The following GPR176 variants were observed in gnomAD, a reference collection of about 807,000 sequenced individuals.
GPR176 encodes G protein-coupled receptor 176.
A neutral mutation model predicts 35.4 loss-of-function variants in GPR176; 26 were observed. The ratio of observed to expected loss-of-function variants is 0.74; its 90% CI spans 0.54 to 1.02. The LOEUF (loss-of-function observed/expected upper bound fraction) is 1.02, where lower values mean the gene tolerates loss of function less well. Among genes scored for constraint, GPR176 ranks in the 50% least tolerant of loss-of-function variants. The probability of loss-of-function intolerance (pLI) is 0.00; values close to 1 mark genes in which losing one functional copy is unlikely to be tolerated. For missense variants in GPR176, 597 were observed against 665.3 expected, an observed-to-expected ratio of 0.90 and a Z score of 1.13; for synonymous variants, 278 against 271.3, an observed-to-expected ratio of 1.02 and a Z score of -0.24.
rs116814362 is a variant in GPR176 at position 39,826,417 on chromosome 15, G to A, written c.173-19159C>T. 3.3e-3 allele frequency among the ~76,000 whole-genome samples: 508 copies of A among 152,238 alleles called. 5 individuals carry two copies. Among genetic ancestry groups the A allele is most frequent in the African/African-American group, 0.012 (491 of 41,540 alleles). On this transcript the variant is annotated intron_variant, in intron 1 of 2. Transcript: ENST00000561100. Reference sequence around the variant, plus strand: ...CTGGAGTAAAGACAGGACCCCAGGGGTGCTTAAAAGTCACAGAAAACCTCA... The same window carrying A: ...CTGGAGTAAAGACAGGACCCCAGGGATGCTTAAAAGTCACAGAAAACCTCA...
At chr15:39,857,098 G>A (rs576085909) in intron 1 of GPR176, among the ~76,000 whole-genome samples, 99 of 152,326 alleles carry the variant, frequency 6.5e-4, no homozygotes, top group African/African-American at 2.2e-3. Context: ...TCACATAGAT[G>A]TGAAATAAGC....
chr15:39,806,623 T>C (rs1899205448), intron 2 of GPR176, among the ~76,000 whole-genome samples: 1 of 152,216 alleles, frequency 6.6e-6, no homozygotes, highest in Non-Finnish European at 1.5e-5. Context: ...CCCTTGTTCT[T>C]TCAGAGATGT....
At chr15:39,837,716 C>T (rs62002486) in intron 1 of GPR176, among the ~76,000 whole-genome samples, 27,343 of 150,454 alleles carry the variant, frequency 0.18, 2,872 homozygotes, top group Admixed American at 0.34. Context: ...TCAACTACAA[C>T]CTTATGAGGT....
Position 39,875,869 on chromosome 15 carries a change from ACT to A in GPR176, c.172+43984_172+43985del, listed in dbSNP as rs2032223333. Among the ~76,000 whole-genome samples, 3 of 151,924 alleles carry A rather than the reference ACT, an allele frequency of 2.0e-5. No homozygotes were observed. The South Asian group carries it at 6.2e-4, about 32-fold the overall frequency. On this transcript the variant is annotated intron_variant, in intron 1 of 2. Coordinates refer to ENST00000561100, the MANE Select transcript of GPR176 (RefSeq NM_007223.3). ...TCATCATCTGACTTATTTGGTGTGT[ACT>A]TTTTTGCAATATTTTGTAATCTATT...
Position 39,800,875 on chromosome 15 carries a change from A to G in GPR176, c.*257T>C, listed in dbSNP as rs1898802198. On this transcript the variant is annotated 3_prime_UTR_variant, in exon 3 of 3. Coordinates refer to ENST00000561100, the MANE Select transcript of GPR176 (RefSeq NM_007223.3). ...CCTCAAGACCCATTCAAAACTGCCC[A>G]GCTCTTGTCCCCACAGAGAATAATG... 1 of 409,414 alleles carries G rather than the reference A, an allele frequency of 2.4e-6. No individual in the cohort carries two copies. Among genetic ancestry groups the G allele is most frequent in the African/African-American group, 2.0e-5 (1 of 49,358 alleles). 25.4% of individuals were successfully genotyped at this position (409,414 alleles called of 1,614,324 possible).
chr15:39,857,142 A>T (rs1352955030), intron 1 of GPR176, among the ~76,000 whole-genome samples: 1 of 152,246 alleles, frequency 6.6e-6, no homozygotes, highest in Non-Finnish European at 1.5e-5. Flanking sequence ...ATGGGTGTGT[A>T]TGAGATAATC....
At chr15:39,857,784 T>A (rs1029939023) in intron 1 of GPR176, among the ~76,000 whole-genome samples, 1 of 151,374 alleles carries the variant, frequency 6.6e-6, no homozygotes, top group African/African-American at 2.4e-5. Context: ...CTGCCTAACA[T>A]GGTGAAACCC....
At chr15:39,880,084 A>C (rs1173141942) in intron 1 of GPR176, among the ~76,000 whole-genome samples, 2 of 152,204 alleles carry the variant, frequency 1.3e-5, no homozygotes, top group African/African-American at 4.8e-5. Flanking sequence ...CTCAAGACTC[A>C]GAACTTCTCT....
intron 1 of GPR176, among the ~76,000 whole-genome samples, chr15:39,898,255 A>G (rs1595517072): frequency 6.6e-6 from 1 of 151,752 alleles, no homozygotes; most frequent in African/African-American, 2.4e-5. Flanking sequence ...TTTTTTTCAA[A>G]CAAGATTTAC....
intron 1 of GPR176, among the ~76,000 whole-genome samples, chr15:39,829,782 G>C (rs918794418): frequency 6.6e-6 from 1 of 152,032 alleles, no homozygotes; most frequent in Non-Finnish European, 1.5e-5. Context: ...GTCCCAAACA[G>C]GACAGCCTCT....
intron 1 of GPR176, among the ~76,000 whole-genome samples, chr15:39,847,698 A>AC (rs35291881): frequency 0.32 from 42,717 of 134,334 alleles, 7,212 homozygotes; most frequent in Non-Finnish European, 0.39. Flanking sequence ...AACCGAGATC[A>AC]CACCACTGCA....
chr15:39,834,816 ATAAT>A (rs1190966592), intron 1 of GPR176, among the ~76,000 whole-genome samples: 2 of 152,138 alleles, frequency 1.3e-5, no homozygotes, highest in Non-Finnish European at 2.9e-5. Context: ...AAAAGTGGGG[ATAAT>A]TAATGGGGTC....
At chr15:39,886,188 G>A (rs1464783756) in intron 1 of GPR176, among the ~76,000 whole-genome samples, 3 of 151,946 alleles carry the variant, frequency 2.0e-5, no homozygotes, top group Admixed American at 6.6e-5. Flanking sequence ...AGCCCAGATC[G>A]TGCCATTGCA....
At chr15:39,844,597 A>C (rs890607828) in intron 1 of GPR176, among the ~76,000 whole-genome samples, 1 of 152,014 alleles carries the variant, frequency 6.6e-6, no homozygotes, top group Non-Finnish European at 1.5e-5. Flanking sequence ...TACTGAAAAA[A>C]AAAAATAGAT....
At chr15:39,887,770 T>C (rs1360531059) in intron 1 of GPR176, among the ~76,000 whole-genome samples, 2 of 152,334 alleles carry the variant, frequency 1.3e-5, no homozygotes, top group East Asian at 3.9e-4. Flanking sequence ...AGTTCTTTAC[T>C]GAGAATCCTA....
chr15:39,893,956 G>A (rs2032985040), intron 1 of GPR176, among the ~76,000 whole-genome samples: 1 of 130,602 alleles, frequency 7.7e-6, no homozygotes, highest in African/African-American at 3.0e-5. Context: ...GCCGGGCGGG[G>A]GGCTGACCCC....
chr15:39,807,131 G>T lies in GPR176; in HGVS notation c.300C>A (p.Ile100=). 1 of 1,613,940 alleles carries T rather than the reference G, an allele frequency of 6.2e-7. No homozygotes were observed. The highest frequency in any genetic ancestry group is 1.1e-5 in the South Asian group (1 of 91,056). Reference sequence around the variant, plus strand: ...AGCAACAGTGAGGACTGGTGCTGAGGATGATGTCGAAGGGCACACAGACCA... The same window carrying T: ...AGCAACAGTGAGGACTGGTGCTGAGTATGATGTCGAAGGGCACACAGACCA... ...ASLVCVPFDI[I]LSTSPHCCWW... is the part of the protein sequence containing the mutation. Residue 100 remains isoleucine, a synonymous_variant, in exon 2 of 3, where the codon ATC becomes ATA. Coordinates refer to ENST00000561100, the MANE Select transcript of GPR176 (RefSeq NM_007223.3).
chr15:39,883,711 A>C (rs1329156112), intron 1 of GPR176, among the ~76,000 whole-genome samples: 2 of 152,200 alleles, frequency 1.3e-5, no homozygotes, highest in Non-Finnish European at 2.9e-5. Context: ...TGGTCCTTGG[A>C]CAATTTTCTT....
chr15:39,887,207 A>G (rs745917966), intron 1 of GPR176, among the ~76,000 whole-genome samples: 16 of 152,362 alleles, frequency 1.1e-4, no homozygotes, highest in Admixed American at 6.5e-4. Context: ...CCATACTTGG[A>G]AACACACTGG....
Sources: allele counts gnomAD v4.1 joint callset (sites outside exome capture counted in the v4.1 genomes callset), GRCh38; gene constraint gnomAD v4.1.1; transcripts MANE v1.5; gene names NCBI Gene and HGNC (gene_info 2026-07-23, HGNC 2026-07-21).